Variants in XRRA1 observed in about 807,000 individuals in gnomAD.
The protein encoded by XRRA1 is X-ray radiation resistance-associated protein 1.
Under a neutral mutation model 80.2 loss-of-function variants are expected in XRRA1, and 69 were observed. That is an observed-to-expected ratio of 0.86 (90% CI 0.71 to 1.05). The LOEUF is 1.05. XRRA1 is among the 50% of genes least tolerant of loss of function. The pLI is 0.00. For synonymous variants in XRRA1, 348 were observed against 389.9 expected (o/e 0.89, Z 1.27); for missense variants, 967 against 976.4 (o/e 0.99, Z 0.13).
chr11:74,894,609 A>C (rs1322484227), intron 10 of XRRA1, among the ~76,000 whole-genome samples: 3 of 152,108 alleles, frequency 2.0e-5, no homozygotes, highest in Non-Finnish European at 4.4e-5. Flanking sequence ...TAACATAACT[A>C]TCAGATCTAA....
At chr11:74,918,176 G>T (rs1466903456) in intron 8 of XRRA1, among the ~76,000 whole-genome samples, 1 of 152,162 alleles carries the variant, frequency 6.6e-6, no homozygotes, top group Non-Finnish European at 1.5e-5. Flanking sequence ...GAAGATGACA[G>T]AGGAACATTA....
chr11:74,912,549 G>A (rs777426576), intron 8 of XRRA1, among the ~76,000 whole-genome samples: 5 of 152,088 alleles, frequency 3.3e-5, no homozygotes, highest in African/African-American at 4.8e-5. Context: ...CCAAACCCTC[G>A]GAGGACGTAT....
chr11:74,910,975 A>G (rs923355536), intron 8 of XRRA1, among the ~76,000 whole-genome samples: 2 of 152,144 alleles, frequency 1.3e-5, no homozygotes, highest in African/African-American at 4.8e-5. Flanking sequence ...AAAGGAGGAG[A>G]GAGCGAGAAG....
At chr11:74,905,479 T>C (rs2054385026) in intron 10 of XRRA1, among the ~76,000 whole-genome samples, 1 of 152,218 alleles carries the variant, frequency 6.6e-6, no homozygotes, top group Non-Finnish European at 1.5e-5. Flanking sequence ...ACTCTGACAA[T>C]ATGGGTGGTG....
chr11:74,848,374 A>T lies in XRRA1; in HGVS notation c.1469T>A (p.Met490Lys). Residue 490 changes from methionine to lysine, a missense_variant, in exon 15 of 19, where the codon ATG (methionine) becomes AAG (lysine). Transcript: ENST00000684022. ...MTTTKSPSKD[M>K]LEPEAELAED... ...AGCCAGCTCTGCCTCTGGCTCTAGC[A>T]TATCCTTTGAGGGAGACTTGGTTGT... 2 of 1,613,904 alleles carry T rather than the reference A, an allele frequency of 1.2e-6. No individual in the cohort carries two copies. The highest frequency in any genetic ancestry group is 1.7e-6 in the Non-Finnish European group (2 of 1,179,852).
At chr11:74,941,119 GA>G (rs1427764446) in intron 2 of XRRA1, among the ~76,000 whole-genome samples, 1 of 152,186 alleles carries the variant, frequency 6.6e-6, no homozygotes, top group East Asian at 1.9e-4. Flanking sequence ...TGGAACCCTA[GA>G]AAGAACATGA....
intron 10 of XRRA1, among the ~76,000 whole-genome samples, chr11:74,868,815 A>G (rs951132141): frequency 3.3e-5 from 5 of 152,194 alleles, no homozygotes; most frequent in Non-Finnish European, 5.9e-5. Flanking sequence ...CTAAATATAT[A>G]TGCATCCAAC....
intron 10 of XRRA1, among the ~76,000 whole-genome samples, chr11:74,883,070 C>G (rs1160670749): frequency 6.6e-6 from 1 of 152,230 alleles, no homozygotes; most frequent in Non-Finnish European, 1.5e-5. Flanking sequence ...CTTTGTTTAC[C>G]TAATCAAGCC....
intron 10 of XRRA1, among the ~76,000 whole-genome samples, chr11:74,890,203 C>G (rs962025986): frequency 4.6e-5 from 7 of 152,228 alleles, no homozygotes; most frequent in African/African-American, 9.6e-5. Flanking sequence ...CAAACTGTCT[C>G]TCAGACCACA....
rs372297175 is a variant in XRRA1 at position 74,903,725 on chromosome 11, A to G, written c.1003+2514T>C. The stretch of plus-strand genomic sequence containing the variant: ...CTCAAAAAAATAAAATAAAAAGCCA[A>G]TAACTAGATGGACATATGGCAAGAA... On this transcript the variant is annotated intron_variant, in intron 10 of 18. Coordinates refer to ENST00000684022, the MANE Select transcript of XRRA1 (RefSeq NM_001378157.1). Among the ~76,000 whole-genome samples the G allele has an allele frequency of 2.6e-5, 4 of 152,292 alleles. No homozygotes were observed. The East Asian group carries it at 5.8e-4, about 22-fold the overall frequency.
chr11:74,928,765 G>A (rs975849690), intron 6 of XRRA1, among the ~76,000 whole-genome samples: 3 of 152,108 alleles, frequency 2.0e-5, no homozygotes, highest in African/African-American at 7.2e-5. Flanking sequence ...CCTTGTACGA[G>A]TGTGTTACTA....
At chr11:74,875,602 G>A (rs1201257373) in intron 10 of XRRA1, among the ~76,000 whole-genome samples, 1 of 152,120 alleles carries the variant, frequency 6.6e-6, no homozygotes, top group African/African-American at 2.4e-5. Flanking sequence ...CCTTTGGCTG[G>A]GCACGGTGGC....
intron 2 of XRRA1, among the ~76,000 whole-genome samples, chr11:74,943,602 T>C (rs934943865): frequency 2.8e-5 from 4 of 144,380 alleles, no homozygotes; most frequent in Non-Finnish European, 6.1e-5. Flanking sequence ...CACCTGCTCA[T>C]AGAGGCAGCA....
intron 10 of XRRA1, among the ~76,000 whole-genome samples, chr11:74,874,969 C>A (rs902570914): frequency 2.0e-5 from 3 of 152,198 alleles, no homozygotes; most frequent in African/African-American, 7.2e-5. Context: ...ATTCAACTAG[C>A]TGAACTGATA....
chr11:74,911,089 T>A (rs111400161), intron 8 of XRRA1, among the ~76,000 whole-genome samples: 52 of 151,832 alleles, frequency 3.4e-4, no homozygotes, highest in African/African-American at 1.2e-3. Context: ...ATAAAGAGTA[T>A]AAAGATAAAG....
chr11:74,845,182 C>T lies in XRRA1; in HGVS notation c.1818G>A (p.Glu606=), dbSNP rs542642864. 1 of 1,614,088 alleles carries T rather than the reference C, an allele frequency of 6.2e-7. No individual in the cohort carries two copies. The highest frequency in any genetic ancestry group is 2.2e-5 in the East Asian group (1 of 44,882). Residue 606 remains glutamate, a synonymous_variant, in exon 16 of 19, where the codon GAG becomes GAA. Transcript: ENST00000684022. ...GGAGTTTCCTCCGAGTCCCTTTCACCTCTCTGGGTGCCGTTGGTGGTTTCT... is the reference window on the plus strand; with the variant it reads ...GGAGTTTCCTCCGAGTCCCTTTCACTTCTCTGGGTGCCGTTGGTGGTTTCT... The part of the protein sequence containing the change: ...DQKKPPTAPR[E]VKGTRRKLPT...
intron 12 of XRRA1, among the ~76,000 whole-genome samples, chr11:74,855,866 G>A (rs2040961158): frequency 1.3e-5 from 2 of 152,330 alleles, no homozygotes; most frequent in Non-Finnish European, 2.9e-5. Flanking sequence ...CGGGTGTGGT[G>A]GCTCACGCCT....
chr11:74,891,202 A>G (rs2050600227), intron 10 of XRRA1, among the ~76,000 whole-genome samples: 1 of 152,200 alleles, frequency 6.6e-6, no homozygotes, highest in Admixed American at 6.5e-5. Context: ...AAGCTTATCC[A>G]CCACGATGAA....
chr11:74,872,382 G>A (rs72988507), intron 10 of XRRA1, among the ~76,000 whole-genome samples: 7,964 of 152,234 alleles, frequency 0.052, 295 homozygotes, highest in Non-Finnish European at 0.083. Context: ...GGACCAGATA[G>A]CACCTTGAAA....
Sources: gnomAD v4.1 joint callset for allele counts (sites outside exome capture counted in the v4.1 genomes callset) on GRCh38, gnomAD v4.1.1 for gene constraint, MANE v1.5 for transcripts, NCBI Gene and HGNC (gene_info 2026-07-23, HGNC 2026-07-21) for gene names.